The following ZFAND3 variants were observed in gnomAD, a reference collection of about 807,000 sequenced individuals.
The protein encoded by ZFAND3 is AN1-type zinc finger protein 3.
In ZFAND3, 10 loss-of-function variants were observed where a neutral mutation model predicts 29.6. That is an observed-to-expected ratio of 0.34 (90% CI 0.21 to 0.57). The LOEUF (loss-of-function observed/expected upper bound fraction) is 0.57, where lower values mean the gene tolerates loss of function less well. ZFAND3 is among the 20% of genes least tolerant of loss of function. The probability of loss-of-function intolerance (pLI) is 0.86; values close to 1 mark genes in which losing one functional copy is unlikely to be tolerated. For synonymous variants in ZFAND3, 128 were observed against 112.6 expected (o/e 1.14, Z -0.87); for missense variants, 230 against 304.5 (o/e 0.76, Z 1.82).
chr6:37,962,028 A>T (rs1267558279), intron 2 of ZFAND3, among the ~76,000 whole-genome samples: 1 of 152,240 alleles, frequency 6.6e-6, no homozygotes, highest in Non-Finnish European at 1.5e-5. Context: ...GGCACCCGGG[A>T]CAAATCCTGA....
At chr6:38,141,008 A>C (rs1765943069) in intron 5 of ZFAND3, among the ~76,000 whole-genome samples, 1 of 118,016 alleles carries the variant, frequency 8.5e-6, no homozygotes, top group Non-Finnish European at 1.6e-5. Context: ...ACACAGTCTT[A>C]TAACAGTGGA....
chr6:37,834,175 C>T (rs900716769), intron 1 of ZFAND3, among the ~76,000 whole-genome samples: 3 of 152,210 alleles, frequency 2.0e-5, no homozygotes, highest in Non-Finnish European at 1.5e-5. Flanking sequence ...TCTCTCCCTT[C>T]TCTTCAACCT....
chr6:38,053,253 A>C (rs1383229097), intron 2 of ZFAND3, among the ~76,000 whole-genome samples: 1 of 151,302 alleles, frequency 6.6e-6, no homozygotes, highest in South Asian at 2.1e-4. Context: ...ATGAGAGACC[A>C]TTGAAGGGTT....
chr6:37,993,861 G>C (rs745581253), intron 2 of ZFAND3, among the ~76,000 whole-genome samples: 2 of 151,958 alleles, frequency 1.3e-5, no homozygotes, highest in Non-Finnish European at 2.9e-5. Context: ...TAGTATTTTT[G>C]TTTTGTTTAT....
intron 1 of ZFAND3, among the ~76,000 whole-genome samples, chr6:37,871,180 C>T (rs1192134424): frequency 6.6e-6 from 1 of 152,078 alleles, no homozygotes; most frequent in Non-Finnish European, 1.5e-5. Flanking sequence ...CTTATTTTTT[C>T]CCTCTGTGTT....
At position 38,046,319 on chromosome 6, in the gene ZFAND3, A is replaced by C. The variant is rs889653970; in HGVS notation, c.113-15274A>C. ...TAATTTGTTTAGTGCTATCTGAAGG[A>C]ATTTGCCTATATCACATGCTATTAA... On this transcript the variant is annotated intron_variant, in intron 2 of 5. Transcript: ENST00000287218. 9.2e-5 allele frequency among the ~76,000 whole-genome samples: 14 copies of C among 152,364 alleles called. No individual in the cohort carries two copies. In the East Asian group the frequency reaches 2.7e-3, roughly 29 times the overall value.
chr6:37,942,945 C>T (rs542447572), intron 2 of ZFAND3, among the ~76,000 whole-genome samples: 1 of 152,214 alleles, frequency 6.6e-6, no homozygotes, highest in East Asian at 1.9e-4. Context: ...GAAATAAAGA[C>T]ATCCAAGGGA....
intron 2 of ZFAND3, among the ~76,000 whole-genome samples, chr6:37,991,373 G>T (rs1272409861): frequency 6.6e-6 from 1 of 150,452 alleles, no homozygotes; most frequent in African/African-American, 2.4e-5. Flanking sequence ...TTTTCTTTGA[G>T]ACCTAGTTTC....
intron 4 of ZFAND3, among the ~76,000 whole-genome samples, chr6:38,088,133 T>G (rs1764793708): frequency 6.6e-6 from 1 of 152,136 alleles, no homozygotes; most frequent in African/African-American, 2.4e-5. Context: ...TACCAACAGA[T>G]GAATGGATAA....
intron 1 of ZFAND3, among the ~76,000 whole-genome samples, chr6:37,825,948 T>C (rs947858753): frequency 1.3e-5 from 2 of 152,176 alleles, no homozygotes; most frequent in African/African-American, 4.8e-5. Flanking sequence ...TGCAAAGTGA[T>C]GTAGTATTTT....
chr6:38,123,934 A>G (rs981182250), intron 5 of ZFAND3, among the ~76,000 whole-genome samples: 3 of 152,152 alleles, frequency 2.0e-5, no homozygotes, highest in Non-Finnish European at 2.9e-5. Flanking sequence ...AAGCTTCCAC[A>G]GTGTGGAAGG....
chr6:37,846,742 C>G (rs1321558730), intron 1 of ZFAND3, among the ~76,000 whole-genome samples: 1 of 147,146 alleles, frequency 6.8e-6, no homozygotes, highest in Non-Finnish European at 1.5e-5. Flanking sequence ...AATGGAGTCT[C>G]GCTCTGTCGC....
intron 5 of ZFAND3, among the ~76,000 whole-genome samples, chr6:38,139,863 C>T (rs1207357692): frequency 6.6e-5 from 10 of 152,032 alleles, no homozygotes; most frequent in Admixed American, 6.6e-4. Context: ...GGGGCGACCA[C>T]CTAAAGGAGG....
intron 1 of ZFAND3, among the ~76,000 whole-genome samples, chr6:37,924,197 A>G (rs1231997199): frequency 1.3e-5 from 2 of 152,124 alleles, no homozygotes; most frequent in Admixed American, 1.3e-4. Flanking sequence ...TAGGTAATGC[A>G]TTGTGACAGA....
chr6:38,017,972 G>T (rs1206557647), intron 2 of ZFAND3, among the ~76,000 whole-genome samples: 1 of 152,100 alleles, frequency 6.6e-6, no homozygotes, highest in Non-Finnish European at 1.5e-5. Context: ...CTTATAATTT[G>T]CCCTTCCCTC....
At chr6:38,115,120 C>T (rs1765391576) in intron 4 of ZFAND3, among the ~76,000 whole-genome samples, 1 of 152,074 alleles carries the variant, frequency 6.6e-6, no homozygotes, top group Non-Finnish European at 1.5e-5. Flanking sequence ...GATGCAGGGC[C>T]TCCATATGCC....
intron 1 of ZFAND3, among the ~76,000 whole-genome samples, chr6:37,902,737 CTTTTTTTTTTTT>C (rs11448512): frequency 7.0e-5 from 7 of 100,452 alleles, no homozygotes; most frequent in African/African-American, 2.0e-4. Flanking sequence ...CTTTTACTTA[CTTTTTTTTTTTT>C]TTTTTTTTTT....
intron 2 of ZFAND3, among the ~76,000 whole-genome samples, chr6:37,985,504 C>CAA (rs1393125080): frequency 1.5e-5 from 2 of 132,384 alleles, no homozygotes; most frequent in Non-Finnish European, 3.5e-5. Flanking sequence ...TGGTTCCACA[C>CAA]ACACACACAC....
At chr6:38,110,826 G>A (rs1393612478) in intron 4 of ZFAND3, among the ~76,000 whole-genome samples, 1 of 152,174 alleles carries the variant, frequency 6.6e-6, no homozygotes, top group Non-Finnish European at 1.5e-5. Context: ...GTGTTGGCTT[G>A]TACGGAGGCC....
Sources: gnomAD v4.1 joint callset for allele counts (sites outside exome capture counted in the v4.1 genomes callset) on GRCh38, gnomAD v4.1.1 for gene constraint, MANE v1.5 for transcripts, NCBI Gene and HGNC (gene_info 2026-07-23, HGNC 2026-07-21) for gene names.